Variants in VTI1B observed in about 807,000 individuals in gnomAD.
VTI1B encodes the protein vesicle transport through interaction with t-SNAREs homolog 1B.
In VTI1B, 18 loss-of-function variants were observed where a neutral mutation model predicts 28.6. The ratio of observed to expected loss-of-function variants is 0.63; its 90% CI spans 0.43 to 0.93. VTI1B has a LOEUF of 0.93. Ranked by LOEUF, VTI1B falls within the 40% of genes least tolerant of loss-of-function variation. The pLI, the probability that VTI1B is intolerant of heterozygous loss-of-function variation, is 0.00. For missense variants in VTI1B, 283 were observed against 297.0 expected (o/e 0.95, Z 0.35); for synonymous variants, 100 against 107.9 (o/e 0.93, Z 0.46).
intron 1 of VTI1B, among the ~76,000 whole-genome samples, chr14:67,669,593 G>A (rs2037442159): frequency 6.6e-6 from 1 of 152,088 alleles, no homozygotes; most frequent in Non-Finnish European, 1.5e-5. Context: ...AATGGCAGAA[G>A]AAGAAACATT....
chr14:67,670,470 C>T (rs1188091593), intron 1 of VTI1B, among the ~76,000 whole-genome samples: 1 of 152,126 alleles, frequency 6.6e-6, no homozygotes, highest in Admixed American at 6.5e-5. Context: ...TTTTTTGAAG[C>T]TTCCCCCTCT....
intron 1 of VTI1B, among the ~76,000 whole-genome samples, chr14:67,662,867 C>T (rs2037355139): frequency 6.9e-6 from 1 of 144,116 alleles, no homozygotes; most frequent in African/African-American, 2.6e-5. Flanking sequence ...TGCGCCATTG[C>T]ACTCCAGCCT....
intron 1 of VTI1B, among the ~76,000 whole-genome samples, chr14:67,663,788 G>A (rs540120449): frequency 1.0e-3 from 154 of 152,286 alleles, no homozygotes; most frequent in Admixed American, 2.1e-3. Flanking sequence ...TTTGTATGGG[G>A]GAAAGGCATA....
chr14:67,666,518 C>T (rs1224352894), intron 1 of VTI1B, among the ~76,000 whole-genome samples: 1 of 152,178 alleles, frequency 6.6e-6, no homozygotes, highest in Admixed American at 6.5e-5. Context: ...AAAACAGAAA[C>T]CTTTGAAATC....
intron 1 of VTI1B, among the ~76,000 whole-genome samples, chr14:67,668,147 T>C (rs2037424371): frequency 6.6e-6 from 1 of 152,192 alleles, no homozygotes; most frequent in Non-Finnish European, 1.5e-5. Context: ...ATTTTTATGA[T>C]ACACGTTAAG....
chr14:67,660,130 C>G (rs887838903), intron 2 of VTI1B: 8 of 510,488 alleles, frequency 1.6e-5, no homozygotes, highest in East Asian at 3.2e-5. Flanking sequence ...AGCAGGCATT[C>G]GAGTATATGA....
Position 67,651,078 on chromosome 14 carries a change from C to T in VTI1B, c.*307G>A, listed in dbSNP as rs537036611. 6.7e-5 allele frequency: 65 copies of T among 965,264 alleles called. No individual in the cohort carries two copies. The Admixed American group carries it at 1.2e-3, about 18-fold the overall frequency. 59.8% of individuals were successfully genotyped at this position (965,264 alleles called of 1,614,324 possible). Reference sequence around the variant, plus strand: ...TAAAGTTTCCCCTCTATTTTGGTGACCAATACTACTGTAAATGTATTTGGT... The same window carrying T: ...TAAAGTTTCCCCTCTATTTTGGTGATCAATACTACTGTAAATGTATTTGGT... On this transcript the variant is annotated 3_prime_UTR_variant, in exon 6 of 6. Coordinates refer to ENST00000554659, the MANE Select transcript of VTI1B (RefSeq NM_006370.3).
rs2140830053 is a variant in VTI1B at position 67,662,463 on chromosome 14, T to C, written c.174+14A>G. 3 of 1,611,248 alleles carry C rather than the reference T, an allele frequency of 1.9e-6. No individual in the cohort carries two copies. Among genetic ancestry groups the C allele is most frequent in the Admixed American group, 1.7e-5 (1 of 59,328 alleles). ...CACCAGGTAGAAGAAACAAAATTTG[T>C]TCCTTGTTCTCACCGTTTCATTTGC... is the stretch of plus-strand genomic sequence containing the variant. On this transcript the variant is annotated intron_variant, in intron 2 of 5. Transcript: ENST00000554659.
Position 67,647,971 on chromosome 14 carries a change from C to T in VTI1B, c.*3414G>A. 7 of 1,401,260 alleles carry T rather than the reference C, an allele frequency of 5.0e-6. No individual in the cohort carries two copies. In the South Asian group the frequency reaches 9.1e-5, roughly 18 times the overall value. The allele number at this position is 1,401,260 out of a possible 1,614,324, so 86.8% of individuals were successfully genotyped here. ...TAGCAACAAAATCAAGGAGTTGCAA[C>T]CATAAGAAGGATGAGTGTCCAAGGA... On this transcript the variant is annotated 3_prime_UTR_variant, in exon 6 of 6. Coordinates refer to ENST00000554659, the MANE Select transcript of VTI1B (RefSeq NM_006370.3).
chr14:67,674,018 C>T (rs2037501347), intron 1 of VTI1B, among the ~76,000 whole-genome samples: 1 of 152,212 alleles, frequency 6.6e-6, no homozygotes, highest in African/African-American at 2.4e-5. Context: ...AAAACTAGAC[C>T]TGTCTTGAGA....
chr14:67,656,324 C>T, intron 4 of VTI1B, 92 bp downstream of exon 4: 1 of 1,194,864 alleles, frequency 8.4e-7, no homozygotes, highest in Non-Finnish European at 1.1e-6. Flanking sequence ...GAATACAGAA[C>T]TGCTGTAGCT....
intron 4 of VTI1B, among the ~76,000 whole-genome samples, chr14:67,655,413 ACAG>A (rs1052559726): frequency 3.3e-5 from 5 of 152,350 alleles, no homozygotes; most frequent in Admixed American, 1.3e-4. Flanking sequence ...TCTCAGAGTG[ACAG>A]CAGACTAGAG....
intron 4 of VTI1B, 112 bp from the exon 5 acceptor site, chr14:67,653,610 A>T: frequency 1.1e-6 from 1 of 905,090 alleles, no homozygotes; most frequent in East Asian, 2.6e-5. Flanking sequence ...AAATTCCAAG[A>T]AATCAAGCCA....
At chr14:67,669,468 T>C (rs1004437527) in intron 1 of VTI1B, among the ~76,000 whole-genome samples, 4 of 151,426 alleles carry the variant, frequency 2.6e-5, no homozygotes, top group African/African-American at 9.7e-5. Context: ...GGTCTCACCA[T>C]GTTGCCAAGG....
intron 1 of VTI1B, among the ~76,000 whole-genome samples, chr14:67,673,986 C>G (rs1473548731): frequency 6.6e-6 from 1 of 152,204 alleles, no homozygotes; most frequent in African/African-American, 2.4e-5. Context: ...TTCTGTGCTA[C>G]GGATCCTCTG....
intron 4 of VTI1B, 51 bp downstream of exon 4, chr14:67,656,365 G>C (rs772022383): frequency 6.8e-7 from 1 of 1,469,986 alleles, no homozygotes; most frequent in Non-Finnish European, 9.1e-7. Context: ...CAGGTGCAGT[G>C]GCCCCCTAAT....
At chr14:67,670,043 A>T (rs1251470580) in intron 1 of VTI1B, among the ~76,000 whole-genome samples, 1 of 152,210 alleles carries the variant, frequency 6.6e-6, no homozygotes, top group Non-Finnish European at 1.5e-5. Context: ...TGCAGTGAGC[A>T]GTGATGGTGC....
In VTI1B at chr14:67,657,272, T is replaced by C. The variant is rs372675007; in HGVS notation, c.367-683A>G. ...TGTAGAAGTCTGAGACACTACCACATTCTGGAAAAAACGTATGTGGTTACC... is the reference window on the plus strand; with the variant it reads ...TGTAGAAGTCTGAGACACTACCACACTCTGGAAAAAACGTATGTGGTTACC... On this transcript the variant is annotated intron_variant, in intron 3 of 5. Transcript: ENST00000554659. The C allele has an allele frequency of 3.0e-4, 45 of 152,252 alleles. 1 individual carries two copies. Among genetic ancestry groups the C allele is most frequent in the African/African-American group, 1.1e-3 (44 of 41,540 alleles). The allele number at this position is 152,252 out of a possible 1,614,324, so 9.4% of individuals were successfully genotyped here. A position where few individuals can be genotyped will look rare whatever the true frequency, so the allele number is the denominator to read the frequency against.
Position 67,648,004 on chromosome 14 carries a change from T to G in VTI1B, c.*3381A>C. 3.3e-6 allele frequency: 5 copies of G among 1,531,656 alleles called. No homozygotes were observed. The highest frequency in any genetic ancestry group is 4.4e-6 in the Non-Finnish European group (5 of 1,128,264). The allele number at this position is 1,531,656 out of a possible 1,614,324, so 94.9% of individuals were successfully genotyped here. A position where few individuals can be genotyped will look rare whatever the true frequency, so the allele number is the denominator to read the frequency against. On this transcript the variant is annotated 3_prime_UTR_variant, in exon 6 of 6. Transcript: ENST00000554659. Reference sequence around the variant, plus strand: ...AGGATGAGTGTCCAAGGACAACCAGTTAAGTATTATTTTAAGTATTATTTT... The same window carrying G: ...AGGATGAGTGTCCAAGGACAACCAGGTAAGTATTATTTTAAGTATTATTTT...
Sources: allele counts gnomAD v4.1 joint callset (sites outside exome capture counted in the v4.1 genomes callset), GRCh38; gene constraint gnomAD v4.1.1; transcripts MANE v1.5; gene names NCBI Gene and HGNC (gene_info 2026-07-23, HGNC 2026-07-21).